The following MAPK10 variants were observed in gnomAD, a reference collection of about 807,000 sequenced individuals.
MAPK10 encodes mitogen-activated protein kinase 10.
A neutral mutation model predicts 59.3 loss-of-function variants in MAPK10; 25 were observed. The ratio of observed to expected loss-of-function variants is 0.42; its 90% CI spans 0.31 to 0.59. MAPK10 has a LOEUF of 0.59. Among genes scored for constraint, MAPK10 ranks in the 20% least tolerant of loss-of-function variants. The pLI is 0.15. For missense variants in MAPK10, 351 were observed against 568.9 expected (o/e 0.62, Z 3.90); for synonymous variants, 190 against 200.5 (o/e 0.95, Z 0.44).
At chr4:86,176,814 C>A (rs193286093) in intron 3 of MAPK10, among the ~76,000 whole-genome samples, 10 of 152,064 alleles carry the variant, frequency 6.6e-5, no homozygotes, top group Admixed American at 4.6e-4. Flanking sequence ...GTACAGAAAT[C>A]TCTGTGATTT....
intron 2 of MAPK10, among the ~76,000 whole-genome samples, chr4:86,280,009 C>T (rs1483668167): frequency 1.3e-5 from 2 of 152,050 alleles, no homozygotes; most frequent in Non-Finnish European, 2.9e-5. Context: ...TATAAAAACC[C>T]TAGAAGAAAA....
intron 2 of MAPK10, among the ~76,000 whole-genome samples, chr4:86,213,350 A>T (rs1016176848): frequency 6.6e-6 from 1 of 152,126 alleles, no homozygotes; most frequent in Admixed American, 6.5e-5. Flanking sequence ...AATAACAAAG[A>T]TTTGAGCAGA....
intron 2 of MAPK10, among the ~76,000 whole-genome samples, chr4:86,238,282 T>A (rs1431661838): frequency 6.6e-6 from 1 of 152,230 alleles, no homozygotes; most frequent in Non-Finnish European, 1.5e-5. Flanking sequence ...GGTAGCGTGA[T>A]GACTCCAGCC....
intron 4 of MAPK10, among the ~76,000 whole-genome samples, chr4:86,137,865 C>T (rs2062615598): frequency 6.7e-6 from 1 of 150,120 alleles, no homozygotes; most frequent in Non-Finnish European, 1.5e-5. Context: ...CACCACCGAT[C>T]CCACAGAAAT....
chr4:86,183,890 G>C (rs1214986173), intron 3 of MAPK10, among the ~76,000 whole-genome samples: 1 of 152,190 alleles, frequency 6.6e-6, no homozygotes, highest in East Asian at 1.9e-4. Context: ...CTGATGGCCA[G>C]AGATGATGAG....
At chr4:86,542,077 C>G (rs1279133665) in intron 1 of MAPK10, among the ~76,000 whole-genome samples, 1 of 151,626 alleles carries the variant, frequency 6.6e-6, no homozygotes, top group African/African-American at 2.4e-5. Flanking sequence ...TCTATGTTTC[C>G]AAGTTTCCTA....
rs551111142 is a variant in MAPK10 at position 86,569,510 on chromosome 4, A to C, written c.-263+24400T>G. ...AAAAGACAGCTGCACTCGTATGCTT[A>C]TCATAGCACTGTTCACACTAGCAAG... On this transcript the variant is annotated intron_variant, in intron 1 of 4. Coordinates refer to the MAPK10 transcript ENST00000502302. Among the ~76,000 whole-genome samples the C allele has an allele frequency of 1.2e-4, 19 of 152,304 alleles. No individual in the cohort carries two copies. The South Asian group carries it at 3.9e-3, about 32-fold the overall frequency.
At chr4:86,403,332 T>G (rs1453578049) in intron 1 of MAPK10, among the ~76,000 whole-genome samples, 1 of 152,076 alleles carries the variant, frequency 6.6e-6, no homozygotes, top group Admixed American at 6.6e-5. Context: ...CTAGCCAACG[T>G]GGTGAAATCC....
intron 4 of MAPK10, among the ~76,000 whole-genome samples, chr4:86,137,339 A>G (rs1215684365): frequency 6.7e-6 from 1 of 149,246 alleles, no homozygotes; most frequent in Non-Finnish European, 1.5e-5. Flanking sequence ...ACTATCTCTC[A>G]GACCACAGTG....
intron 1 of MAPK10, among the ~76,000 whole-genome samples, chr4:86,462,376 T>C (rs1342556116): frequency 6.6e-6 from 1 of 152,182 alleles, no homozygotes; most frequent in Non-Finnish European, 1.5e-5. Flanking sequence ...TTGTGCTGTA[T>C]GTGGAAATGG....
In MAPK10 at chr4:86,408,874, T is replaced by G. The variant is rs1009851985; in HGVS notation, c.-122+44156A>C. Among the ~76,000 whole-genome samples the G allele has an allele frequency of 5.3e-5, 8 of 152,348 alleles. No individual in the cohort carries two copies. In the East Asian group the frequency reaches 1.5e-3, roughly 29 times the overall value. On this transcript the variant is annotated intron_variant, in intron 1 of 13. Transcript: ENST00000361569. ...GTTGCCTGTTCACCCTGATGGTAGT[T>G]TCTTTTGCTGTGCAGAAGCTCTTTA...
At chr4:86,329,078 T>A (rs2096090365) in intron 2 of MAPK10, among the ~76,000 whole-genome samples, 1 of 152,142 alleles carries the variant, frequency 6.6e-6, no homozygotes, top group African/African-American at 2.4e-5. Context: ...TTCTACCTTC[T>A]ATGTGAGGAC....
In MAPK10 at chr4:86,035,369, T is replaced by A. The variant is rs1427053001; in HGVS notation, c.1111-3938A>T. On this transcript the variant is annotated intron_variant, in intron 11 of 13. Coordinates refer to ENST00000641462, the MANE Select transcript of MAPK10 (RefSeq NM_138982.4). Reference sequence around the variant, plus strand: ...CTGGGTGATAGAGTGAGACTCTGTCTCAAAAAAAAAAAAAAAAAAAAAAAA... The same window carrying A: ...CTGGGTGATAGAGTGAGACTCTGTCACAAAAAAAAAAAAAAAAAAAAAAAA... Among the ~76,000 whole-genome samples the A allele has an allele frequency of 6.0e-3, 171 of 28,438 alleles. 1 individual carries two copies. Among genetic ancestry groups the A allele is most frequent in the African/African-American group, 0.039 (167 of 4,248 alleles). 18.7% of individuals were successfully genotyped at this position (28,438 alleles called of 152,430 possible).
chr4:86,591,441 A>G (rs1245477261), intron 1 of MAPK10, among the ~76,000 whole-genome samples: 1 of 152,018 alleles, frequency 6.6e-6, no homozygotes, highest in East Asian at 1.9e-4. Context: ...TGGTGGGATC[A>G]TGGCTCACTT....
At chr4:86,216,232 G>T (rs1443022614) in intron 2 of MAPK10, among the ~76,000 whole-genome samples, 5 of 147,780 alleles carry the variant, frequency 3.4e-5, no homozygotes, top group East Asian at 2.0e-4. Flanking sequence ...GTCCATCCAG[G>T]AATGAACAGA....
chr4:86,588,161 C>G (rs1349016312), intron 1 of MAPK10, among the ~76,000 whole-genome samples: 2 of 152,164 alleles, frequency 1.3e-5, no homozygotes, highest in African/African-American at 2.4e-5. Context: ...AGTCTGGGGG[C>G]TCCATTATGT....
In MAPK10 at chr4:86,237,452, A is replaced by G. The variant is rs146088829; in HGVS notation, c.-6-43045T>C. ...CCGTACTGTCTTCCACAATCATTGAACTAATTTACATTCCCACCAACAGTA... is the reference window on the plus strand; with the variant it reads ...CCGTACTGTCTTCCACAATCATTGAGCTAATTTACATTCCCACCAACAGTA... On this transcript the variant is annotated intron_variant, in intron 2 of 13. Coordinates refer to ENST00000641462, the MANE Select transcript of MAPK10 (RefSeq NM_138982.4). Among the ~76,000 whole-genome samples, 11 of 152,298 alleles carry G rather than the reference A, an allele frequency of 7.2e-5. No individual in the cohort carries two copies. In the East Asian group the frequency reaches 2.1e-3, roughly 29 times the overall value.
At chr4:86,246,140 C>A (rs1385320720) in intron 2 of MAPK10, among the ~76,000 whole-genome samples, 1 of 152,098 alleles carries the variant, frequency 6.6e-6, no homozygotes, top group African/African-American at 2.4e-5. Flanking sequence ...CCTTAAAAGT[C>A]AAGTTGTTGG....
chr4:86,047,204 C>T (rs1056562969), intron 11 of MAPK10, among the ~76,000 whole-genome samples: 3 of 152,184 alleles, frequency 2.0e-5, no homozygotes, highest in Non-Finnish European at 4.4e-5. Flanking sequence ...TGCCAGGTTA[C>T]ACACGAATGT....
Sources: gnomAD v4.1 joint callset for allele counts (sites outside exome capture counted in the v4.1 genomes callset) on GRCh38, gnomAD v4.1.1 for gene constraint, MANE v1.5 for transcripts, NCBI Gene and HGNC (gene_info 2026-07-23, HGNC 2026-07-21) for gene names.